ZSWIM4: variants seen among roughly 807,000 people sequenced by gnomAD.
The protein encoded by ZSWIM4 is zinc finger SWIM-type containing 4.
A neutral mutation model predicts 102.5 loss-of-function variants in ZSWIM4; 62 were observed. The observed-to-expected ratio is 0.60, with a 90% CI of 0.49 to 0.75. ZSWIM4 has a LOEUF of 0.75. Ranked by LOEUF, ZSWIM4 falls within the 30% of genes least tolerant of loss-of-function variation. ZSWIM4 has a pLI of 0.00. For missense variants in ZSWIM4, 1,280 were observed against 1,529.6 expected (o/e 0.84, Z 2.72); for synonymous variants, 652 against 674.5 (o/e 0.97, Z 0.52).
Position 13,825,586 on chromosome 19 carries a change from T to G in ZSWIM4, c.2252T>G (p.Ile751Ser), listed in dbSNP as rs1429338866. Residue 751 changes from isoleucine (I) to serine (S), a missense_variant, in exon 12 of 14, where the codon ATC becomes AGC. Ile to Ser is a moderately radical substitution (Grantham distance 142). Transcript: ENST00000590508. This position sits in a 1 kb window ranked among gnomAD's most constrained non-coding sequence, Gnocchi z 4.6. ...TGGCTGCACACGGTACTGGGCTCCA[T>G]CCAGCAGAACATCCACTCTCCGGCC... Reference protein sequence around the residue: ...PKWLHTVLGSIQQNIHSPALL... With the variant: ...PKWLHTVLGSSQQNIHSPALL... 2 of 1,614,172 alleles carry G rather than the reference T, an allele frequency of 1.2e-6. No individual in the cohort carries two copies. Among genetic ancestry groups the G allele is most frequent in the South Asian group, 2.2e-5 (2 of 91,086 alleles).
At position 13,805,162 on chromosome 19, in the gene ZSWIM4, G is replaced by T. The variant is rs202200756; in HGVS notation, c.712+14G>T. The T allele has an allele frequency of 1.3e-6, 2 of 1,588,556 alleles. No individual in the cohort carries two copies. The highest frequency in any genetic ancestry group is 1.7e-6 in the Non-Finnish European group (2 of 1,171,708). On this transcript the variant is annotated intron_variant, in intron 3 of 13. Coordinates refer to ENST00000590508, the MANE Select transcript of ZSWIM4 (RefSeq NM_001367834.3). ...ACTTGGTGAATGGTAAGGGCACCCC[G>T]GGGGTCCGGTGGGGAGAGGATGCCC...
At chr19:13,798,579 A>G (rs993819651) in intron 1 of ZSWIM4, among the ~76,000 whole-genome samples, 2 of 152,240 alleles carry the variant, frequency 1.3e-5, no homozygotes, top group Non-Finnish European at 2.9e-5. Flanking sequence ...AGAAAGTTCT[A>G]GAATGCTAAC....
rs1417287484 is a variant in ZSWIM4, at chr19:13,805,097, C to T, written c.661C>T (p.Arg221Cys). 1 of 1,604,176 alleles carries T rather than the reference C, an allele frequency of 6.2e-7. No homozygotes were observed. Among genetic ancestry groups the T allele is most frequent in the Admixed American group, 1.7e-5 (1 of 60,014 alleles). ...HHTEVLPTAQ[R>C]LADEILLLGS... ...CACTGAGGTGCTGCCCACTGCTCAG[C>T]GCTTGGCTGATGAGATCCTCCTGCT... Residue 221 changes from arginine to cysteine, a missense_variant, in exon 3 of 14, where the codon CGC (arginine) becomes TGC (cysteine). Transcript: ENST00000590508.
chr19:13,800,391 A>G (rs1440895627), intron 2 of ZSWIM4, among the ~76,000 whole-genome samples: 4 of 144,054 alleles, frequency 2.8e-5, no homozygotes, highest in Admixed American at 7.0e-5. Flanking sequence ...TCAGCCTCCC[A>G]AGTAGCCGGG....
chr19:13,813,875 C>T (rs1295807207), intron 6 of ZSWIM4, among the ~76,000 whole-genome samples: 2 of 145,782 alleles, frequency 1.4e-5, no homozygotes, highest in African/African-American at 5.1e-5. Flanking sequence ...GAGCCAAGAT[C>T]GCACCACTGC....
At chr19:13,818,214 C>A (rs1161829743) in intron 9 of ZSWIM4, among the ~76,000 whole-genome samples, 1 of 152,234 alleles carries the variant, frequency 6.6e-6, no homozygotes, top group Non-Finnish European at 1.5e-5. Context: ...GAGGCGCCGC[C>A]CCCTTCCCTC....
intron 3 of ZSWIM4, among the ~76,000 whole-genome samples, chr19:13,807,790 G>C (rs112041756): frequency 8.2e-6 from 1 of 122,622 alleles, no homozygotes; most frequent in Admixed American, 7.8e-5. Flanking sequence ...TGGATGGATG[G>C]ATGGGTGTAT....
chr19:13,811,309 A>G (rs953862016), intron 5 of ZSWIM4, among the ~76,000 whole-genome samples: 1 of 152,174 alleles, frequency 6.6e-6, no homozygotes, highest in Non-Finnish European at 1.5e-5. Context: ...TATTATAGTA[A>G]AAAAGGCAGA....
intron 6 of ZSWIM4, 117 bp from the exon 7 acceptor site, chr19:13,814,398 T>G (rs943364128): frequency 2.8e-6 from 1 of 351,294 alleles, no homozygotes; most frequent in African/African-American, 2.2e-5. Flanking sequence ...AGATGATGTA[T>G]GCCCATAGCT....
At chr19:13,814,395 G>A (rs1047096764) in intron 6 of ZSWIM4, 120 bp from the exon 7 acceptor site, 4 of 334,260 alleles carry the variant, frequency 1.2e-5, no homozygotes, top group Non-Finnish European at 1.9e-5. Flanking sequence ...GGCAGATGAT[G>A]TATGCCCATA....
At chr19:13,819,841 T>G (rs1416733860) in intron 10 of ZSWIM4, among the ~76,000 whole-genome samples, 3 of 148,466 alleles carry the variant, frequency 2.0e-5, no homozygotes, top group Non-Finnish European at 3.0e-5. Context: ...CTAATTTTTG[T>G]TTTTTGTTTT....
At chr19:13,828,829 G>A (rs1053934024) in intron 13 of ZSWIM4, 103 bp downstream of exon 13, 62 of 1,135,442 alleles carry the variant, frequency 5.5e-5, no homozygotes, top group Middle Eastern at 2.4e-4. Context: ...GGCGGGGTGC[G>A]GTGGCTCACA....
intron 2 of ZSWIM4, among the ~76,000 whole-genome samples, chr19:13,801,258 G>T (rs1277309700): frequency 6.6e-6 from 1 of 152,154 alleles, no homozygotes; most frequent in Non-Finnish European, 1.5e-5. Flanking sequence ...TCCAGATGGG[G>T]TTGGGTTCGG....
In ZSWIM4 at chr19:13,809,321, A is replaced by C; in HGVS notation, c.1012+101A>C. On this transcript the variant is annotated intron_variant, in intron 5 of 13. Coordinates refer to ENST00000590508, the MANE Select transcript of ZSWIM4 (RefSeq NM_001367834.3). This position sits in a 1 kb window ranked among gnomAD's most constrained non-coding sequence, Gnocchi z 4.2. ...GGTCTGTTCCCTGAATCCGCCCTCC[A>C]TTCGTTTGGCAAACATTTATGAGCG... is the stretch of plus-strand genomic sequence containing the variant. 6.9e-7 allele frequency: 1 copy of C among 1,445,096 alleles called. No individual in the cohort carries two copies. The highest frequency in any genetic ancestry group is 1.4e-5 in the South Asian group (1 of 71,270). 89.5% of individuals were successfully genotyped at this position (1,445,096 alleles called of 1,614,324 possible).
chr19:13,813,536 G>T lies in ZSWIM4; in HGVS notation c.1180+372G>T, dbSNP rs375373058. Among the ~76,000 whole-genome samples, 3 of 152,036 alleles carry T rather than the reference G, an allele frequency of 2.0e-5. No individual in the cohort carries two copies. The East Asian group carries it at 5.8e-4, about 29-fold the overall frequency. On this transcript the variant is annotated intron_variant, in intron 6 of 13. Coordinates refer to ENST00000590508, the MANE Select transcript of ZSWIM4 (RefSeq NM_001367834.3). ...AGGAGAGAGAAACAAGTGAAGAGAG[G>T]CAGAGATGGATGGAGAGAGGGAGAG...
chr19:13,799,644 A>T, intron 1 of ZSWIM4, 76 bp from the exon 2 acceptor site: 2 of 1,431,828 alleles, frequency 1.4e-6, no homozygotes, highest in Non-Finnish European at 2.0e-6. Context: ...GCCTCAAGCG[A>T]TCCTCCCTCC....
At chr19:13,824,128 T>G (rs1599612998) in intron 11 of ZSWIM4, among the ~76,000 whole-genome samples, 13 of 139,266 alleles carry the variant, frequency 9.3e-5, no homozygotes, top group East Asian at 2.1e-4. Context: ...GAGAGAGGAG[T>G]CAGGTGCCAG....
intron 5 of ZSWIM4, among the ~76,000 whole-genome samples, chr19:13,810,823 G>A (rs956410655): frequency 1.3e-5 from 2 of 148,880 alleles, no homozygotes; most frequent in African/African-American, 5.0e-5. Context: ...GGTTAACCAG[G>A]ATGGTCTCGA....
At chr19:13,807,554 C>A (rs936938559) in intron 3 of ZSWIM4, among the ~76,000 whole-genome samples, 2 of 147,344 alleles carry the variant, frequency 1.4e-5, no homozygotes, top group Non-Finnish European at 3.0e-5. Flanking sequence ...TGAATGAGCT[C>A]CTGGTGTTTT....
Sources: gnomAD v4.1 joint callset for allele counts (sites outside exome capture counted in the v4.1 genomes callset) on GRCh38, gnomAD v4.1.1 for gene constraint, Gnocchi (gnomAD v3.1) non-coding constraint, MANE v1.5 for transcripts, NCBI Gene and HGNC (gene_info 2026-07-23, HGNC 2026-07-21) for gene names.